Variants in HDAC9 observed in about 807,000 individuals in gnomAD.
The protein encoded by HDAC9 is histone deacetylase 9.
HDAC9 carries 41 observed loss-of-function variants against 139.4 expected under a neutral mutation model. The observed-to-expected ratio is 0.29, with a 90% CI of 0.23 to 0.38. HDAC9 has a LOEUF of 0.38. Ranked by LOEUF, HDAC9 falls within the 10% of genes least tolerant of loss-of-function variation. HDAC9 has a pLI of 1.00. For missense variants in HDAC9, 1,147 were observed against 1,297.0 expected, an observed-to-expected ratio of 0.88 and a Z score of 1.78; for synonymous variants, 517 against 476.2, an observed-to-expected ratio of 1.09 and a Z score of -1.12.
At chr7:18,831,035 G>A (rs1381346025) in intron 19 of HDAC9, among the ~76,000 whole-genome samples, 2 of 152,184 alleles carry the variant, frequency 1.3e-5, no homozygotes, top group African/African-American at 2.4e-5. Context: ...AAGAAAAGCA[G>A]ATAAAGAGCA....
intron 1 of HDAC9, among the ~76,000 whole-genome samples, chr7:18,467,056 C>T (rs890618401): frequency 6.6e-6 from 1 of 152,160 alleles, no homozygotes; most frequent in Non-Finnish European, 1.5e-5. Flanking sequence ...CTGTTATCTG[C>T]CCACAAGACC....
At position 18,666,345 on chromosome 7, in the gene HDAC9, A is replaced by G. The variant is rs1794873185; in HGVS notation, c.1600A>G (p.Ser534Gly). Reference protein sequence around the residue: ...PSSGNSTRSDSSACVDDTLGQ... With the variant: ...PSSGNSTRSDGSACVDDTLGQ... Reference sequence around the variant, plus strand: ...TAGTGGCAACAGCACTAGGAGCGACAGCAGTGCTTGTGTGGATGACACACT... The same window carrying G: ...TAGTGGCAACAGCACTAGGAGCGACGGCAGTGCTTGTGTGGATGACACACT... The change falls in exon 12 of 26, where the codon AGC becomes GGC. Residue 534 changes from serine (S) to glycine (G), a missense_variant. Around this residue, in one of 7 missense-constraint regions of HDAC9, gnomAD observed 256 missense variants for 219.2 expected, o/e 1.17. Transcript: ENST00000686413. 2 of 1,613,428 alleles carry G rather than the reference A, an allele frequency of 1.2e-6. No homozygotes were observed. The highest frequency in any genetic ancestry group is 1.3e-5 in the African/African-American group (1 of 75,008).
chr7:18,595,590 G>C (rs746581388), intron 6 of HDAC9, among the ~76,000 whole-genome samples: 1 of 151,972 alleles, frequency 6.6e-6, no homozygotes, highest in Non-Finnish European at 1.5e-5. Flanking sequence ...AGAATCTAAG[G>C]AGTTACTAAA....
chr7:18,250,458 G>A (rs951346965), intron 2 of HDAC9, among the ~76,000 whole-genome samples: 5 of 152,106 alleles, frequency 3.3e-5, no homozygotes, highest in African/African-American at 1.2e-4. Context: ...GTTAACATCT[G>A]GCTTTCCATC....
Position 18,954,180 on chromosome 7 carries a change from G to T in HDAC9, c.2972G>T (p.Ser991Ile). The T allele has an allele frequency of 6.4e-7, 1 of 1,573,400 alleles. No homozygotes were observed. Among genetic ancestry groups the T allele is most frequent in the Non-Finnish European group, 8.7e-7 (1 of 1,153,518 alleles). Residue 991 changes from serine (S) to isoleucine (I), a missense_variant, in exon 24 of 26, where the codon AGC (serine) becomes ATC (isoleucine). Ser to Ile is a moderately radical substitution (Grantham distance 142, BLOSUM62 -2). Around this residue, in one of 7 missense-constraint regions of HDAC9, gnomAD observed 407 missense variants for 521.5 expected, o/e 0.78. Coordinates refer to ENST00000686413, the MANE Select transcript of HDAC9 (RefSeq NM_178425.4). ...EPLAEDILHQSPNMNAVISLQ... is the reference protein window; with the variant it reads ...EPLAEDILHQIPNMNAVISLQ... ...CTTGCAGAAGATATTCTCCACCAAA[G>T]CCCGAATATGAATGCTGTTATTTCT...
intron 22 of HDAC9, among the ~76,000 whole-genome samples, chr7:18,889,008 A>C (rs1192024149): frequency 2.6e-5 from 4 of 152,216 alleles, no homozygotes; most frequent in Non-Finnish European, 5.9e-5. Flanking sequence ...ACAATTGACT[A>C]TCTGTGGCGT....
chr7:18,561,158 AT>A (rs370752778), intron 2 of HDAC9, among the ~76,000 whole-genome samples: 56 of 152,332 alleles, frequency 3.7e-4, no homozygotes, highest in African/African-American at 1.3e-3. Flanking sequence ...GAAGTCAGTT[AT>A]TTGTGGTGGC....
intron 6 of HDAC9, among the ~76,000 whole-genome samples, chr7:18,624,086 A>G (rs945335300): frequency 3.9e-5 from 6 of 152,196 alleles, no homozygotes; most frequent in African/African-American, 1.2e-4. Context: ...AGTCACACAT[A>G]TCAATCTCTT....
chr7:18,945,793 C>T (rs751249064), intron 23 of HDAC9, among the ~76,000 whole-genome samples: 45 of 151,990 alleles, frequency 3.0e-4, no homozygotes, highest in Non-Finnish European at 5.4e-4. Context: ...AATCCCAGCA[C>T]TTTGGGAGGC....
Position 18,368,757 on chromosome 7 carries a change from C to T in HDAC9, c.-42+78242C>T, listed in dbSNP as rs116767222. Among the ~76,000 whole-genome samples, 569 of 147,750 alleles carry T rather than the reference C, an allele frequency of 3.9e-3. 1 individual carries two copies. Among genetic ancestry groups the T allele is most frequent in the Middle Eastern group, 0.024 (7 of 290 alleles). On this transcript the variant is annotated intron_variant, in intron 1 of 3. Coordinates refer to the HDAC9 transcript ENST00000413509. ...GGTTTCAGACACATGCTCAGTGAGG[C>T]AAAATGGAATACAGAAATTCCTACC...
At chr7:18,658,043 G>T (rs73683127) in intron 11 of HDAC9, among the ~76,000 whole-genome samples, 18,293 of 152,014 alleles carry the variant, frequency 0.12, 1,106 homozygotes, top group East Asian at 0.14. Flanking sequence ...TCTTCTCACG[G>T]TTTGATTGTG....
chr7:18,890,852 G>T (rs952232794), intron 22 of HDAC9, among the ~76,000 whole-genome samples: 1 of 152,164 alleles, frequency 6.6e-6, no homozygotes, highest in African/African-American at 2.4e-5. Context: ...TAGATGAAAG[G>T]ATAGGTGGAG....
intron 2 of HDAC9, among the ~76,000 whole-genome samples, chr7:18,546,118 C>A (rs1814723102): frequency 1.3e-5 from 2 of 152,108 alleles, no homozygotes; most frequent in African/African-American, 4.8e-5. Flanking sequence ...TTTCTTCCTG[C>A]CCCTTTTGCC....
At chr7:18,916,648 G>C (rs533199491) in intron 22 of HDAC9, among the ~76,000 whole-genome samples, 17 of 151,956 alleles carry the variant, frequency 1.1e-4, no homozygotes, top group African/African-American at 4.1e-4. Flanking sequence ...AGAGAGAAAC[G>C]GGCACACAAA....
At chr7:18,836,155 T>C (rs1796222402) in intron 21 of HDAC9, among the ~76,000 whole-genome samples, 158 bp downstream of exon 21, 1 of 152,194 alleles carries the variant, frequency 6.6e-6, no homozygotes, top group African/African-American at 2.4e-5. Context: ...TATCAAGACC[T>C]GGTTTTGATT....
intron 2 of HDAC9, among the ~76,000 whole-genome samples, chr7:18,280,770 AT>A (rs762916348): frequency 3.4e-4 from 49 of 142,460 alleles, no homozygotes; most frequent in African/African-American, 9.3e-4. Context: ...CTCAAAAAAA[AT>A]AAATAAATAA....
intron 2 of HDAC9, among the ~76,000 whole-genome samples, chr7:18,283,307 C>T (rs1303346807): frequency 6.6e-6 from 1 of 152,106 alleles, no homozygotes; most frequent in Non-Finnish European, 1.5e-5. Context: ...TGAGAACTCA[C>T]TCACAATCAA....
At chr7:18,245,870 G>T (rs1174609319) in intron 2 of HDAC9, among the ~76,000 whole-genome samples, 3 of 151,878 alleles carry the variant, frequency 2.0e-5, no homozygotes, top group African/African-American at 7.3e-5. Context: ...ATATATTTTT[G>T]AAATAATAGT....
intron 21 of HDAC9, among the ~76,000 whole-genome samples, chr7:18,856,625 G>T (rs887981533): frequency 6.6e-6 from 1 of 152,112 alleles, no homozygotes; most frequent in Non-Finnish European, 1.5e-5. Flanking sequence ...CATTACAAAT[G>T]TGCAAATGCA....
Sources: gnomAD v4.1 joint callset for allele counts (sites outside exome capture counted in the v4.1 genomes callset) on GRCh38, gnomAD v4.1.1 for gene constraint, gnomAD v4.1.1 regional missense constraint, MANE v1.5 for transcripts, NCBI Gene and HGNC (gene_info 2026-07-23, HGNC 2026-07-21) for gene names.